Variants in CLDN14 observed in about 807,000 individuals in gnomAD.
The protein encoded by CLDN14 is claudin-14.
Under a neutral mutation model 2.1 loss-of-function variants are expected in CLDN14, and 2 were observed. The ratio of observed to expected loss-of-function variants is 0.96; its 90% CI spans 0.39 to 3.01. The LOEUF is 3.01. CLDN14 is among the 30% of genes most tolerant of loss of function. The pLI, the probability that CLDN14 is intolerant of heterozygous loss-of-function variation, is 0.09. For synonymous variants in CLDN14, 136 were observed against 154.4 expected (o/e 0.88, Z 0.88); for missense variants, 298 against 328.0 (o/e 0.91, Z 0.71).
chr21:36,515,001 T>A (rs184993667), intron 1 of CLDN14, among the ~76,000 whole-genome samples: 209 of 152,174 alleles, frequency 1.4e-3, no homozygotes, highest in Non-Finnish European at 2.6e-3. Context: ...CATTTAAAAA[T>A]TTTCCCACTT....
At chr21:36,534,164 C>G (rs1204634431) in intron 1 of CLDN14, among the ~76,000 whole-genome samples, 2 of 152,012 alleles carry the variant, frequency 1.3e-5, no homozygotes, top group East Asian at 1.9e-4. Flanking sequence ...GGCAATGGCG[C>G]GATCTCAGCT....
intron 2 of CLDN14, among the ~76,000 whole-genome samples, chr21:36,493,431 GC>G (rs1455512037): frequency 3.9e-5 from 6 of 152,172 alleles, no homozygotes; most frequent in Non-Finnish European, 8.8e-5. Flanking sequence ...GTTCTTGTAA[GC>G]CAGGCATTGG....
chr21:36,559,833 C>T (rs934952805), intron 1 of CLDN14, among the ~76,000 whole-genome samples: 4 of 152,184 alleles, frequency 2.6e-5, no homozygotes, highest in African/African-American at 9.7e-5. Flanking sequence ...CATATGCTAT[C>T]AGGAAAATAT....
intron 1 of CLDN14, among the ~76,000 whole-genome samples, chr21:36,464,573 G>A (rs2086622249): frequency 6.6e-6 from 1 of 152,198 alleles, no homozygotes; most frequent in African/African-American, 2.4e-5. Flanking sequence ...GGGGCCGGCT[G>A]TCCTATGCTC....
rs921784046 is a variant in CLDN14 at position 36,486,554 on chromosome 21, A to G, written c.-82+23809T>C. 4 of 1,557,230 alleles carry G rather than the reference A, an allele frequency of 2.6e-6. No individual in the cohort carries two copies. In the Admixed American group the frequency reaches 6.7e-5, roughly 26 times the overall value. Reference sequence around the variant, plus strand: ...CCCAGCCAAAATCGGAGAACTGATGAGAGCATCAGCCAAGCTGGGCCCAGG... The same window carrying G: ...CCCAGCCAAAATCGGAGAACTGATGGGAGCATCAGCCAAGCTGGGCCCAGG... On this transcript the variant is annotated intron_variant, in intron 2 of 2. Transcript: ENST00000342108.
At chr21:36,528,316 G>A (rs1276426801) in intron 1 of CLDN14, among the ~76,000 whole-genome samples, 1 of 152,202 alleles carries the variant, frequency 6.6e-6, no homozygotes, top group Non-Finnish European at 1.5e-5. Flanking sequence ...GCAGTTCTGA[G>A]AGGCCAGGAA....
intron 2 of CLDN14, among the ~76,000 whole-genome samples, chr21:36,493,967 G>A (rs1007646610): frequency 6.6e-6 from 1 of 152,202 alleles, no homozygotes; most frequent in Non-Finnish European, 1.5e-5. Context: ...ACTTTTGCCA[G>A]GATGGGTTGG....
rs531112074 is a variant in CLDN14, at chr21:36,559,282, C to T, written c.-220+17129G>A. On this transcript the variant is annotated intron_variant, in intron 1 of 2. Transcript: ENST00000342108. ...AATGATTTCAGCTCACTGTAACCTC[C>T]GCCTCCTGGGTTCAAGTGATTCTCC... is the stretch of plus-strand genomic sequence containing the variant. Among the ~76,000 whole-genome samples the T allele has an allele frequency of 3.9e-5, 6 of 152,234 alleles. No individual in the cohort carries two copies. The South Asian group carries it at 8.3e-4, about 21-fold the overall frequency.
chr21:36,476,777 C>T (rs146583842), intron 1 of CLDN14, among the ~76,000 whole-genome samples: 261 of 152,360 alleles, frequency 1.7e-3, no homozygotes, highest in Non-Finnish European at 3.0e-3. Flanking sequence ...AAACAAATCT[C>T]CTCCTGGCCC....
intron 1 of CLDN14, among the ~76,000 whole-genome samples, chr21:36,535,675 C>T (rs1351841438): frequency 6.6e-6 from 1 of 152,090 alleles, no homozygotes; most frequent in Non-Finnish European, 1.5e-5. Context: ...AGGGAGTCCA[C>T]AGAGAGTGGC....
intron 1 of CLDN14, among the ~76,000 whole-genome samples, chr21:36,474,723 T>C (rs2086753660): frequency 1.3e-5 from 2 of 152,042 alleles, no homozygotes; most frequent in South Asian, 2.1e-4. Flanking sequence ...GTTTTGAAGA[T>C]GAGAGGCATG....
At chr21:36,465,858 T>C (rs2086639664) in intron 1 of CLDN14, among the ~76,000 whole-genome samples, 1 of 152,066 alleles carries the variant, frequency 6.6e-6, no homozygotes, top group Non-Finnish European at 1.5e-5. Flanking sequence ...GGCTGAGTAG[T>C]GGTGGGAAGG....
intron 1 of CLDN14, among the ~76,000 whole-genome samples, chr21:36,569,177 G>A (rs1029529380): frequency 6.6e-6 from 1 of 152,240 alleles, no homozygotes; most frequent in Non-Finnish European, 1.5e-5. Flanking sequence ...CAGCACTTTG[G>A]GAGGCTGAGG....
intron 2 of CLDN14, among the ~76,000 whole-genome samples, chr21:36,496,466 T>G (rs1568858873): frequency 1.3e-5 from 2 of 148,404 alleles, no homozygotes; most frequent in Admixed American, 6.7e-5. Context: ...AAGTCAGGGT[T>G]TCTAGAGCCT....
In CLDN14 at chr21:36,498,093, G is replaced by C. The variant is rs1401495333; in HGVS notation, c.-82+12270C>G. ...TGGCTCACTGCAACCTCCACCGCCC[G>C]GGGTTCAAGCGATTCTCCTGTCTCA... is the stretch of plus-strand genomic sequence containing the variant. On this transcript the variant is annotated intron_variant, in intron 2 of 2. Transcript: ENST00000342108. This position sits in a 1 kb window ranked among gnomAD's most constrained non-coding sequence, Gnocchi z 4.9. Among the ~76,000 whole-genome samples the C allele has an allele frequency of 1.3e-5, 2 of 151,834 alleles. No individual in the cohort carries two copies. Among genetic ancestry groups the C allele is most frequent in the African/African-American group, 4.8e-5 (2 of 41,342 alleles).
At chr21:36,466,890 C>G (rs1239068838) in intron 1 of CLDN14, among the ~76,000 whole-genome samples, 2 of 152,136 alleles carry the variant, frequency 1.3e-5, no homozygotes, top group Non-Finnish European at 2.9e-5. Flanking sequence ...GTAAATACCC[C>G]TATTCCAAAT....
chr21:36,493,984 C>T (rs901377681), intron 2 of CLDN14, among the ~76,000 whole-genome samples: 1 of 152,158 alleles, frequency 6.6e-6, no homozygotes, highest in East Asian at 1.9e-4. Flanking sequence ...TTGGGAATCC[C>T]ACTAGATCTT....
intron 2 of CLDN14, among the ~76,000 whole-genome samples, chr21:36,488,276 T>TTCCTTCCTTCC (rs1568854952): frequency 6.7e-6 from 1 of 150,306 alleles, no homozygotes; most frequent in Admixed American, 6.6e-5. Context: ...CTTCCTTCCC[T>TTCCTTCCTTCC]CTCTCTTTCT....
intron 1 of CLDN14, among the ~76,000 whole-genome samples, chr21:36,529,259 A>G (rs2087359982): frequency 6.6e-6 from 1 of 151,878 alleles, no homozygotes; most frequent in Non-Finnish European, 1.5e-5. Flanking sequence ...GTCCTTTCAT[A>G]CCCACCTCCT....
Sources: gnomAD v4.1 joint callset for allele counts (sites outside exome capture counted in the v4.1 genomes callset) on GRCh38, gnomAD v4.1.1 for gene constraint, Gnocchi (gnomAD v3.1) non-coding constraint, MANE v1.5 for transcripts, NCBI Gene and HGNC (gene_info 2026-07-23, HGNC 2026-07-21) for gene names.